The following ZNF804B variants were observed in gnomAD, a reference collection of about 807,000 sequenced individuals.
ZNF804B encodes the protein zinc finger 804B.
A neutral mutation model predicts 101.4 loss-of-function variants in ZNF804B; 80 were observed. That is an observed-to-expected ratio of 0.79 (90% CI 0.66 to 0.95). The LOEUF (loss-of-function observed/expected upper bound fraction) is 0.95. Among genes scored for constraint, ZNF804B ranks in the 40% least tolerant of loss-of-function variants. The probability of loss-of-function intolerance (pLI) is 0.00; values close to 1 mark genes in which losing one functional copy is unlikely to be tolerated. For missense variants in ZNF804B, 1,673 were observed against 1,561.9 expected, an observed-to-expected ratio of 1.07 and a Z score of -1.20; for synonymous variants, 622 against 558.8, an observed-to-expected ratio of 1.11 and a Z score of -1.59.
At position 89,033,148 on chromosome 7, in the gene ZNF804B, A is replaced by C. The variant is rs150550883; in HGVS notation, c.109-185007A>C. Among the ~76,000 whole-genome samples the C allele has an allele frequency of 3.3e-5, 5 of 152,020 alleles. No homozygotes were observed. The East Asian group carries it at 7.7e-4, about 24-fold the overall frequency. ...CCACTCCTACTCCCCAGCCTCTGGT[A>C]ACCACCATTCTAACCTCTGCTACTT... On this transcript the variant is annotated intron_variant, in intron 1 of 3. Transcript: ENST00000333190.
chr7:88,833,816 A>G (rs1433813245), intron 1 of ZNF804B, among the ~76,000 whole-genome samples: 3 of 151,838 alleles, frequency 2.0e-5, no homozygotes, highest in Non-Finnish European at 4.4e-5. Flanking sequence ...GGCTTTAGTG[A>G]CAAGATCAAG....
intron 1 of ZNF804B, among the ~76,000 whole-genome samples, chr7:88,808,633 C>T (rs1341717297): frequency 6.6e-6 from 1 of 152,056 alleles, no homozygotes; most frequent in African/African-American, 2.4e-5. Flanking sequence ...AGACATTAGA[C>T]ATTGTGATTA....
chr7:88,838,100 T>C (rs927043821), intron 1 of ZNF804B, among the ~76,000 whole-genome samples: 1 of 151,844 alleles, frequency 6.6e-6, no homozygotes, highest in African/African-American at 2.4e-5. Context: ...ACAAAAACAT[T>C]TTAAAATTGC....
intron 1 of ZNF804B, among the ~76,000 whole-genome samples, chr7:89,156,081 TCTC>T (rs1476007019): frequency 2.1e-5 from 2 of 93,592 alleles, no homozygotes; most frequent in African/African-American, 7.8e-5. Context: ...TCTCTCTTTC[TCTC>T]TTTCCTTTCT....
chr7:89,022,488 TACTA>T (rs1443811087), intron 1 of ZNF804B, among the ~76,000 whole-genome samples: 4 of 152,176 alleles, frequency 2.6e-5, no homozygotes, highest in African/African-American at 7.2e-5. Context: ...TGCCTTCAAT[TACTA>T]TATATTTTTC....
intron 1 of ZNF804B, among the ~76,000 whole-genome samples, chr7:89,065,869 G>A (rs933799466): frequency 1.3e-5 from 2 of 151,956 alleles, no homozygotes; most frequent in Non-Finnish European, 2.9e-5. Flanking sequence ...ACTTCCTTAT[G>A]CCCATCTCCT....
intron 1 of ZNF804B, among the ~76,000 whole-genome samples, chr7:89,087,989 AAT>A (rs34689504): frequency 0.3 from 44,194 of 148,546 alleles, 6,966 homozygotes; most frequent in East Asian, 0.51. Context: ...TATGTATATA[AAT>A]ATATATATAT....
chr7:89,021,279 T>G (rs1178076070), intron 1 of ZNF804B, among the ~76,000 whole-genome samples: 1 of 152,210 alleles, frequency 6.6e-6, no homozygotes, highest in Non-Finnish European at 1.5e-5. Context: ...GAATATATGG[T>G]GGCAATGCTG....
intron 1 of ZNF804B, among the ~76,000 whole-genome samples, chr7:88,930,431 G>A (rs961301116): frequency 6.6e-6 from 1 of 151,898 alleles, no homozygotes; most frequent in African/African-American, 2.4e-5. Flanking sequence ...GCAGAGGGAA[G>A]GTTGGCAAGA....
intron 1 of ZNF804B, among the ~76,000 whole-genome samples, chr7:88,769,379 AT>A (rs2115627012): frequency 6.6e-6 from 1 of 152,318 alleles, no homozygotes; most frequent in Admixed American, 6.5e-5. Context: ...TACCAAGATC[AT>A]TTGGTCAATT....
chr7:89,104,137 T>C (rs1374794813), intron 1 of ZNF804B, among the ~76,000 whole-genome samples: 1 of 152,066 alleles, frequency 6.6e-6, no homozygotes, highest in Non-Finnish European at 1.5e-5. Context: ...TTTGCTAGTA[T>C]TTTGTGGAAG....
At chr7:89,025,121 C>T (rs1232400443) in intron 1 of ZNF804B, among the ~76,000 whole-genome samples, 1 of 151,970 alleles carries the variant, frequency 6.6e-6, no homozygotes, top group African/African-American at 2.4e-5. Context: ...AATGATTAGT[C>T]TTAAGCATTT....
chr7:89,243,433 T>C (rs1562926637), intron 2 of ZNF804B, among the ~76,000 whole-genome samples: 1 of 151,776 alleles, frequency 6.6e-6, no homozygotes, highest in South Asian at 2.1e-4. Context: ...AATGCACCAT[T>C]CTCAGCTGTA....
At chr7:89,016,742 CT>C (rs1172721804) in intron 1 of ZNF804B, among the ~76,000 whole-genome samples, 2 of 152,018 alleles carry the variant, frequency 1.3e-5, no homozygotes, top group Admixed American at 1.3e-4. Context: ...TTACTGTAGC[CT>C]TGTAGTATAG....
At chr7:88,840,922 A>G (rs563557836) in intron 1 of ZNF804B, among the ~76,000 whole-genome samples, 4 of 152,186 alleles carry the variant, frequency 2.6e-5, no homozygotes, top group Non-Finnish European at 5.9e-5. Context: ...AGGGTTATAC[A>G]TCCAAATACT....
chr7:88,929,762 A>G (rs1232628674), intron 1 of ZNF804B, among the ~76,000 whole-genome samples: 1 of 152,014 alleles, frequency 6.6e-6, no homozygotes, highest in Non-Finnish European at 1.5e-5. Flanking sequence ...TACTATCATT[A>G]GTGTAATGGT....
intron 2 of ZNF804B, among the ~76,000 whole-genome samples, chr7:89,226,403 C>CT (rs1462811185): frequency 6.6e-6 from 1 of 151,794 alleles, no homozygotes; most frequent in Non-Finnish European, 1.5e-5. Flanking sequence ...GAATAATATG[C>CT]TAGAATTAAA....
chr7:89,160,627 A>G (rs1300208155), intron 1 of ZNF804B, among the ~76,000 whole-genome samples: 1 of 152,170 alleles, frequency 6.6e-6, no homozygotes, highest in African/African-American at 2.4e-5. Flanking sequence ...AGCAGACCAA[A>G]GCTGTAAGAC....
intron 2 of ZNF804B, among the ~76,000 whole-genome samples, chr7:89,280,269 A>G (rs371612226): frequency 1.3e-4 from 19 of 151,886 alleles, no homozygotes; most frequent in African/African-American, 3.6e-4. Context: ...GTGTGTAGAG[A>G]GAAATTTATA....
Sources: allele counts gnomAD v4.1 joint callset (sites outside exome capture counted in the v4.1 genomes callset), GRCh38; gene constraint gnomAD v4.1.1; transcripts MANE v1.5; gene names NCBI Gene and HGNC (gene_info 2026-07-23, HGNC 2026-07-21).